The following COP1 variants were observed in gnomAD, a reference collection of about 807,000 sequenced individuals.
COP1 encodes E3 ubiquitin-protein ligase COP1.
Under a neutral mutation model 101.3 loss-of-function variants are expected in COP1, and 24 were observed. The ratio of observed to expected loss-of-function variants is 0.24; its 90% CI spans 0.17 to 0.33. The LOEUF (loss-of-function observed/expected upper bound fraction) is 0.33, where lower values mean the gene tolerates loss of function less well. Ranked by LOEUF, COP1 falls within the 10% of genes least tolerant of loss-of-function variation. The probability of loss-of-function intolerance (pLI) is 1.00; values close to 1 mark genes in which losing one functional copy is unlikely to be tolerated. For synonymous variants in COP1, 347 were observed against 341.9 expected (o/e 1.01, Z -0.17); for missense variants, 663 against 906.2 (o/e 0.73, Z 3.45).
chr1:176,083,735 T>C (rs111474996), intron 10 of COP1, among the ~76,000 whole-genome samples: 2,915 of 152,308 alleles, frequency 0.019, 94 homozygotes, highest in African/African-American at 0.066. Flanking sequence ...AGATTCTCAT[T>C]TGAAAATATA....
intron 18 of COP1, among the ~76,000 whole-genome samples, chr1:175,985,464 A>G (rs968989795): frequency 1.3e-5 from 2 of 152,226 alleles, no homozygotes; most frequent in Admixed American, 6.5e-5. Flanking sequence ...TATGAAGTTC[A>G]GATGCAATCG....
intron 11 of COP1, among the ~76,000 whole-genome samples, chr1:176,049,579 C>A (rs538668173): frequency 1.6e-4 from 24 of 151,960 alleles, no homozygotes; most frequent in Admixed American, 3.3e-4. Context: ...AGGTCCCCCC[C>A]CTCAAACCAC....
chr1:175,974,301 A>G (rs890609962), intron 18 of COP1, among the ~76,000 whole-genome samples: 1 of 152,216 alleles, frequency 6.6e-6, no homozygotes, highest in Non-Finnish European at 1.5e-5. Context: ...CTGGTTTTGC[A>G]TTTGTAAGAT....
At chr1:176,099,143 T>C (rs1682935137) in intron 9 of COP1, among the ~76,000 whole-genome samples, 1 of 152,168 alleles carries the variant, frequency 6.6e-6, no homozygotes, top group African/African-American at 2.4e-5. Context: ...CATTTTGTTA[T>C]TCACAGACAA....
intron 18 of COP1, chr1:175,968,414 C>T (rs758657059): frequency 2.9e-5 from 15 of 516,478 alleles, no homozygotes; most frequent in East Asian, 5.5e-5. Context: ...CGGAGGGGAA[C>T]GATCAGACTT....
At chr1:176,082,127 A>T (rs928053206) in intron 10 of COP1, among the ~76,000 whole-genome samples, 1 of 152,218 alleles carries the variant, frequency 6.6e-6, no homozygotes, top group Non-Finnish European at 1.5e-5. Flanking sequence ...GCATAGATTT[A>T]AAAAATCATT....
chr1:176,037,421 T>C (rs571179990), intron 14 of COP1, among the ~76,000 whole-genome samples: 2 of 131,846 alleles, frequency 1.5e-5, no homozygotes, highest in Non-Finnish European at 3.3e-5. Context: ...AAAAAAAGTA[T>C]AAGAAAAAAA....
At chr1:176,030,280 A>C (rs1264301956) in intron 14 of COP1, among the ~76,000 whole-genome samples, 1 of 152,250 alleles carries the variant, frequency 6.6e-6, no homozygotes, top group East Asian at 1.9e-4. Flanking sequence ...CCCTGGAATT[A>C]AAAGTCAACA....
intron 15 of COP1, among the ~76,000 whole-genome samples, chr1:176,002,773 T>C: frequency 6.7e-6 from 1 of 149,488 alleles, no homozygotes. Flanking sequence ...ACATTTGGGT[T>C]GGTTCCAAGT....
chr1:176,130,085 G>A (rs965184092), intron 8 of COP1, among the ~76,000 whole-genome samples: 1 of 151,428 alleles, frequency 6.6e-6, no homozygotes, highest in African/African-American at 2.4e-5. Context: ...CCAGTTTACC[G>A]CTCTCAAAAA....
intron 6 of COP1, among the ~76,000 whole-genome samples, chr1:176,145,523 T>C (rs1458913963): frequency 3.3e-5 from 5 of 152,186 alleles, no homozygotes; most frequent in East Asian, 1.9e-4. Context: ...CATATAAATA[T>C]GTATACTAAC....
intron 9 of COP1, among the ~76,000 whole-genome samples, chr1:176,090,937 T>A (rs1209297344): frequency 6.6e-6 from 1 of 152,148 alleles, no homozygotes; most frequent in East Asian, 1.9e-4. Flanking sequence ...AAACCCACAG[T>A]TAGACACACT....
chr1:176,004,036 G>A (rs1389698594), intron 15 of COP1, among the ~76,000 whole-genome samples: 1 of 146,166 alleles, frequency 6.8e-6, no homozygotes, highest in Admixed American at 6.9e-5. Flanking sequence ...TTGAGCAGTG[G>A]TTTGTAGTTC....
intron 18 of COP1, among the ~76,000 whole-genome samples, chr1:175,960,419 G>A (rs370488224): frequency 6.6e-6 from 1 of 152,160 alleles, no homozygotes; most frequent in African/African-American, 2.4e-5. Flanking sequence ...CATAAAGTAT[G>A]TATCTTATAA....
chr1:176,122,131 C>T (rs957927829), intron 8 of COP1, among the ~76,000 whole-genome samples: 3 of 113,602 alleles, frequency 2.6e-5, no homozygotes, highest in Admixed American at 9.9e-5. Flanking sequence ...CAGAGCAAGA[C>T]TGCATCTCAA....
chr1:176,041,384 G>A (rs1670507075), intron 14 of COP1, among the ~76,000 whole-genome samples: 1 of 136,746 alleles, frequency 7.3e-6, no homozygotes, highest in Non-Finnish European at 1.5e-5. Flanking sequence ...GTCTCGCTCT[G>A]TCATCCAGGC....
chr1:176,143,620 A>G (rs1323385827), intron 6 of COP1, among the ~76,000 whole-genome samples: 1 of 152,096 alleles, frequency 6.6e-6, no homozygotes, highest in Non-Finnish European at 1.5e-5. Flanking sequence ...AAACCAAACC[A>G]TATAGAAGAG....
rs777097148 is a variant in COP1, at chr1:175,986,932, T to C, written c.2133+11A>G. ...AGATCCCAAGGTGAAAAAACTGATATGAAAACTTACCCCATCTGGTAGTGC... is the reference window on the plus strand; with the variant it reads ...AGATCCCAAGGTGAAAAAACTGATACGAAAACTTACCCCATCTGGTAGTGC... On this transcript the variant is annotated intron_variant, in intron 18 of 19. Coordinates refer to ENST00000367669, the MANE Select transcript of COP1 (RefSeq NM_022457.7). The C allele has an allele frequency of 4.5e-6, 7 of 1,567,696 alleles. No individual in the cohort carries two copies. The highest frequency in any genetic ancestry group is 6.0e-6 in the Non-Finnish European group (7 of 1,162,190).
At chr1:176,028,816 C>A (rs1208039770) in intron 14 of COP1, among the ~76,000 whole-genome samples, 1 of 150,010 alleles carries the variant, frequency 6.7e-6, no homozygotes, top group Non-Finnish European at 1.5e-5. Flanking sequence ...TGCAGTGGCA[C>A]AATCATGCCT....
Sources: gnomAD v4.1 joint callset for allele counts (sites outside exome capture counted in the v4.1 genomes callset) on GRCh38, gnomAD v4.1.1 for gene constraint, MANE v1.5 for transcripts, NCBI Gene and HGNC (gene_info 2026-07-23, HGNC 2026-07-21) for gene names.